The following KRT79 variants were observed in gnomAD, a reference collection of about 807,000 sequenced individuals.
KRT79 encodes keratin 79.
Under a neutral mutation model 49.0 loss-of-function variants are expected in KRT79, and 51 were observed. The ratio of observed to expected loss-of-function variants is 1.04; its 90% CI spans 0.83 to 1.31. The LOEUF (loss-of-function observed/expected upper bound fraction) is 1.31, where lower values mean the gene tolerates loss of function less well. Among genes scored for constraint, KRT79 ranks in the 40% most tolerant of loss-of-function variants. The pLI is 0.00. For missense variants in KRT79, 728 were observed against 688.0 expected, an observed-to-expected ratio of 1.06 and a Z score of -0.65; for synonymous variants, 312 against 286.6, an observed-to-expected ratio of 1.09 and a Z score of -0.90.
chr12:52,828,518 A>G (rs568138772), intron 4 of KRT79, among the ~76,000 whole-genome samples: 1 of 152,342 alleles, frequency 6.6e-6, no homozygotes, highest in East Asian at 1.9e-4. Flanking sequence ...GGATAAAAGA[A>G]TCAAGTTACT....
chr12:52,830,323 C>T, intron 2 of KRT79, 31 bp from the exon 3 acceptor site: 1 of 1,602,604 alleles, frequency 6.2e-7, no homozygotes. Context: ...AGGCCAGGCT[C>T]AGCCTGGCTC....
intron 2 of KRT79, 31 bp downstream of exon 2, chr12:52,831,375 C>T (rs1940251743): frequency 6.2e-7 from 1 of 1,604,084 alleles, no homozygotes; most frequent in Non-Finnish European, 8.5e-7. Context: ...TCCTCACTCC[C>T]ACATGGCCCC....
chr12:52,821,611 G>GTCGACGTATCA lies in KRT79; in HGVS notation c.*260_*261insTGATACGTCGA. ...TGAGAAATTCAGCCTCCTCTCGGTG[G>GTCGACGTATCA]TCAAAAGGTCACCCCCAAGTCACCC... On this transcript the variant is annotated 3_prime_UTR_variant, in exon 9 of 9. Coordinates refer to ENST00000330553, the MANE Select transcript of KRT79 (RefSeq NM_175834.3). The GTCGACGTATCA allele has an allele frequency of 1.3e-5, 7 of 519,444 alleles. No homozygotes were observed. The highest frequency in any genetic ancestry group is 2.2e-5 in the South Asian group (1 of 45,776). The allele number at this position is 519,444 out of a possible 1,614,324, so 32.2% of individuals were successfully genotyped here. A position where few individuals can be genotyped will look rare whatever the true frequency, so the allele number is the denominator to read the frequency against.
At position 52,824,359 on chromosome 12, in the gene KRT79, G is replaced by A. The variant is rs145653873; in HGVS notation, c.859C>T (p.Leu287=). The A allele has an allele frequency of 1.2e-6, 2 of 1,613,676 alleles. No individual in the cohort carries two copies. The highest frequency in any genetic ancestry group is 2.7e-5 in the African/African-American group (2 of 75,046). The part of the protein sequence containing the change: ...DFLQQLYEME[L]SQVQTHVSNT... ...GACACGTGGGTCTGCACTTGGCTCA[G>A]CTCCTGAAGAATCAGAGACAGCTGC... is the stretch of plus-strand genomic sequence containing the variant. The change falls in exon 5 of 9, where the codon CTG becomes TTG. Residue 287 remains leucine, a synonymous_variant. Coordinates refer to ENST00000330553, the MANE Select transcript of KRT79 (RefSeq NM_175834.3).
In KRT79 at chr12:52,833,982, C is replaced by T; in HGVS notation, c.279G>A (p.Arg93=). ...RALGGFGFGS[R]AFMGQGAGRQ... ...TGCCAGCCCCCTGTCCCATAAATGCCCTGCTGCCAAAGCCAAAGCCCCCCA... is the reference window on the plus strand; with the variant it reads ...TGCCAGCCCCCTGTCCCATAAATGCTCTGCTGCCAAAGCCAAAGCCCCCCA... The change falls in exon 1 of 9, where the codon AGG becomes AGA. Residue 93 remains arginine (R), a synonymous_variant. Coordinates refer to ENST00000330553, the MANE Select transcript of KRT79 (RefSeq NM_175834.3). 5 of 1,612,934 alleles carry T rather than the reference C, an allele frequency of 3.1e-6. No individual in the cohort carries two copies. The highest frequency in any genetic ancestry group is 4.2e-6 in the Non-Finnish European group (5 of 1,179,376).
At chr12:52,828,662 A>G (rs1940208317) in intron 4 of KRT79, among the ~76,000 whole-genome samples, 1 of 152,248 alleles carries the variant, frequency 6.6e-6, no homozygotes, top group African/African-American at 2.4e-5. Flanking sequence ...GAGAGTAGAT[A>G]CATGTCTCAT....
At position 52,830,537 on chromosome 12, in the gene KRT79, C is replaced by A. The variant is rs1940238498; in HGVS notation, c.699-245G>T. On this transcript the variant is annotated intron_variant, in intron 2 of 8. Transcript: ENST00000330553. ...TGTGCAATAATATGGCAATCAAGAGCTGCCATCTCTTTGGATCCAAGCCCT... is the reference window on the plus strand; with the variant it reads ...TGTGCAATAATATGGCAATCAAGAGATGCCATCTCTTTGGATCCAAGCCCT... 3 of 518,696 alleles carry A rather than the reference C, an allele frequency of 5.8e-6. No homozygotes were observed. In the South Asian group the frequency reaches 6.9e-5, roughly 12 times the overall value. 32.1% of individuals were successfully genotyped at this position (518,696 alleles called of 1,614,324 possible).
rs141221786 is a variant in KRT79, at chr12:52,833,949, C to T, written c.312G>A (p.Thr104=). The T allele has an allele frequency of 4.3e-4, 686 of 1,613,338 alleles. 4 individuals carry two copies. The African/African-American group carries it at 7.2e-3, about 17-fold the overall frequency. ...CCCCAGGAGGACAAGCAGGCCCAAA[C>T]GTCTGCCTGCCAGCCCCCTGTCCCA... The part of the protein sequence containing the change: ...AFMGQGAGRQ[T]FGPACPPGGI... Residue 104 remains threonine, a synonymous_variant, in exon 1 of 9, where the codon ACG becomes ACA. Coordinates refer to ENST00000330553, the MANE Select transcript of KRT79 (RefSeq NM_175834.3).
At position 52,823,882 on chromosome 12, in the gene KRT79, C is replaced by T. The variant is rs548810644; in HGVS notation, c.1146+5G>A. 1 of 1,612,588 alleles carries T rather than the reference C, an allele frequency of 6.2e-7. No individual in the cohort carries two copies. Among genetic ancestry groups the T allele is most frequent in the South Asian group, 1.1e-5 (1 of 91,010 alleles). ...CAGACCCCCAAGCCCCCAGTAGAGT[C>T]CCACCTGCTTCTTGGCTGCATCAGC... On this transcript the variant is annotated splice_donor_5th_base_variant and intron_variant, in intron 6 of 8. Transcript: ENST00000330553.
chr12:52,823,834 G>A (rs927523647), intron 6 of KRT79, 53 bp downstream of exon 6: 1 of 1,574,634 alleles, frequency 6.4e-7, no homozygotes, highest in Admixed American at 2.0e-5. Context: ...GTGACAATGA[G>A]AAGGCCCTGC....
intron 7 of KRT79, 89 bp from the exon 8 acceptor site, chr12:52,822,468 TC>T: frequency 1.2e-6 from 1 of 854,418 alleles, no homozygotes; most frequent in Non-Finnish European, 1.8e-6. Flanking sequence ...TTACATTGGA[TC>T]CACTCAGTGA....
chr12:52,833,269 C>A (rs1940282409), intron 1 of KRT79, among the ~76,000 whole-genome samples: 1 of 152,178 alleles, frequency 6.6e-6, no homozygotes, highest in Non-Finnish European at 1.5e-5. Flanking sequence ...AGGACCCCAC[C>A]CACACACAAC....
chr12:52,823,743 C>T (rs1250939527), intron 6 of KRT79, 144 bp downstream of exon 6: 1 of 944,002 alleles, frequency 1.1e-6, no homozygotes, highest in East Asian at 2.6e-5. Flanking sequence ...CTCAGTTTCC[C>T]CCCATGTAAA....
chr12:52,833,783 C>T lies in KRT79; in HGVS notation c.477+1G>A. The stretch of plus-strand genomic sequence containing the variant: ...CCCTTCCTCCTTCCTGCTTGGCCCA[C>T]CTTGTCGATGAAGGAGGCGAACTTG... On this transcript the variant is annotated splice_donor_variant, in intron 1 of 8. Transcript: ENST00000330553. LOFTEE classifies it high-confidence loss of function. 1 of 1,612,688 alleles carries T rather than the reference C, an allele frequency of 6.2e-7. No homozygotes were observed. Among genetic ancestry groups the T allele is most frequent in the South Asian group, 1.1e-5 (1 of 91,012 alleles).
intron 4 of KRT79, among the ~76,000 whole-genome samples, chr12:52,828,785 G>A (rs73106407): frequency 0.017 from 2,526 of 152,314 alleles, 38 homozygotes; most frequent in Non-Finnish European, 0.028. Flanking sequence ...ATCAATAGAA[G>A]TTTGTATCTG....
chr12:52,831,522 G>T lies in KRT79; in HGVS notation c.582C>A (p.Leu194=). ...LGVTRNNLEP[L]FEAYLGSMRS... is the part of the protein sequence containing the mutation. ...GCATGCTACCCAGGTAGGCCTCAAA[G>T]AGGGGCTCCAGGTTGTTCCTGGTGA... Residue 194 remains leucine, a synonymous_variant, in exon 2 of 9, where the codon CTC becomes CTA. Coordinates refer to ENST00000330553, the MANE Select transcript of KRT79 (RefSeq NM_175834.3). The T allele has an allele frequency of 6.2e-7, 1 of 1,614,252 alleles. No individual in the cohort carries two copies. Among genetic ancestry groups the T allele is most frequent in the Non-Finnish European group, 8.5e-7 (1 of 1,180,052 alleles).
In KRT79 at chr12:52,824,255, C is replaced by T. The variant is rs1940145187; in HGVS notation, c.963G>A (p.Gln321=). 1.9e-6 allele frequency: 3 copies of T among 1,614,150 alleles called. No homozygotes were observed. The highest frequency in any genetic ancestry group is 2.5e-6 in the Non-Finnish European group (3 of 1,180,058). ...LDSIIAEVKA[Q]YELIAQRSRA... ...GGCTCCTCTGGGCAATCAGCTCATA[C>T]TGGGCCTTGACCTCGGCGATGATGC... Residue 321 remains glutamine, a synonymous_variant, in exon 5 of 9, where the codon CAG becomes CAA. Transcript: ENST00000330553.
chr12:52,821,769 T>G lies in KRT79; in HGVS notation c.*103A>C. ...GTATGAAAATACCCTGGGTCTGAGGTCCCCTGGCTGTTCCTGCTCCTGAGA... is the reference window on the plus strand; with the variant it reads ...GTATGAAAATACCCTGGGTCTGAGGGCCCCTGGCTGTTCCTGCTCCTGAGA... On this transcript the variant is annotated 3_prime_UTR_variant, in exon 9 of 9. Coordinates refer to ENST00000330553, the MANE Select transcript of KRT79 (RefSeq NM_175834.3). The G allele has an allele frequency of 9.9e-7, 1 of 1,008,712 alleles. No homozygotes were observed. Among genetic ancestry groups the G allele is most frequent in the Admixed American group, 2.1e-5 (1 of 48,582 alleles). The allele number at this position is 1,008,712 out of a possible 1,614,324, so 62.5% of individuals were successfully genotyped here.
Position 52,824,247 on chromosome 12 carries a change from A to C in KRT79, c.971T>G (p.Leu324Arg). 1 of 1,614,188 alleles carries C rather than the reference A, an allele frequency of 6.2e-7. No homozygotes were observed. Among genetic ancestry groups the C allele is most frequent in the East Asian group, 2.2e-5 (1 of 44,874 alleles). The change falls in exon 5 of 9, where the codon CTG (leucine) becomes CGG (arginine). Residue 324 changes from leucine to arginine, a missense_variant. Leu to Arg is a moderately radical substitution (Grantham distance 102, BLOSUM62 -2). Coordinates refer to ENST00000330553, the MANE Select transcript of KRT79 (RefSeq NM_175834.3). Reference sequence around the variant, plus strand: ...CTCAGCCCGGCTCCTCTGGGCAATCAGCTCATACTGGGCCTTGACCTCGGC... The same window carrying C: ...CTCAGCCCGGCTCCTCTGGGCAATCCGCTCATACTGGGCCTTGACCTCGGC... ...IIAEVKAQYE[L>R]IAQRSRAEAE... is the part of the protein sequence containing the mutation.
Sources: gnomAD v4.1 joint callset for allele counts (sites outside exome capture counted in the v4.1 genomes callset) on GRCh38, gnomAD v4.1.1 for gene constraint, MANE v1.5 for transcripts, NCBI Gene and HGNC (gene_info 2026-07-23, HGNC 2026-07-21) for gene names.